The following AGBL3 variants were observed in gnomAD, a reference collection of about 807,000 sequenced individuals.
AGBL3 encodes cytosolic carboxypeptidase 3.
In AGBL3, 68 loss-of-function variants were observed where a neutral mutation model predicts 94.5. The observed-to-expected ratio is 0.72, with a 90% CI of 0.59 to 0.88. The LOEUF (loss-of-function observed/expected upper bound fraction) is 0.88, where lower values mean the gene tolerates loss of function less well. Ranked by LOEUF, AGBL3 falls within the 40% of genes least tolerant of loss-of-function variation. The pLI is 0.00. For synonymous variants in AGBL3, 354 were observed against 370.7 expected, an observed-to-expected ratio of 0.95 and a Z score of 0.52; for missense variants, 934 against 1,103.8, an observed-to-expected ratio of 0.85 and a Z score of 2.18.
chr7:135,053,835 T>C (rs1370639756), intron 11 of AGBL3, among the ~76,000 whole-genome samples: 4 of 152,170 alleles, frequency 2.6e-5, no homozygotes, highest in Admixed American at 2.6e-4. Flanking sequence ...ATTTAAAATA[T>C]AGTCTGCCAG....
chr7:135,062,608 A>T (rs1818939389), intron 12 of AGBL3, among the ~76,000 whole-genome samples: 1 of 152,076 alleles, frequency 6.6e-6, no homozygotes, highest in African/African-American at 2.4e-5. Flanking sequence ...CCTTCTGCAT[A>T]TATTGAGATG....
chr7:135,000,052 A>G (rs1811520090), intron 4 of AGBL3, among the ~76,000 whole-genome samples: 1 of 152,248 alleles, frequency 6.6e-6, no homozygotes, highest in Non-Finnish European at 1.5e-5. Flanking sequence ...GCACATGAAC[A>G]GAATGAGTAT....
intron 12 of AGBL3, among the ~76,000 whole-genome samples, chr7:135,063,405 T>A (rs569409118): frequency 4.2e-4 from 64 of 152,266 alleles, no homozygotes; most frequent in African/African-American, 1.5e-3. Context: ...GTTCTTCTTT[T>A]CCTAGTTCCT....
chr7:135,027,199 C>A (rs112474864), intron 5 of AGBL3, among the ~76,000 whole-genome samples: 4 of 151,432 alleles, frequency 2.6e-5, no homozygotes, highest in Admixed American at 6.6e-5. Flanking sequence ...GGGTGCGCAC[C>A]ACCATGTTCG....
At chr7:135,087,107 T>C (rs1463693060) in intron 15 of AGBL3, among the ~76,000 whole-genome samples, 1 of 151,986 alleles carries the variant, frequency 6.6e-6, no homozygotes, top group African/African-American at 2.4e-5. Flanking sequence ...TATTCATTTC[T>C]GCTAAGTTTT....
rs549366037 is a variant in AGBL3, at chr7:135,059,232, T to A, written c.1905T>A (p.Ser635=). The part of the protein sequence containing the change: ...DSLTYLLKLT[S]QKKHLKTKKE... ...TGACTTACCTTCTCAAGTTAACTTC[T>A]CAGGTATGACTGAACATTTTTGCTT... is the stretch of plus-strand genomic sequence containing the variant. Residue 635 remains serine, a synonymous_variant, in exon 12 of 17, where the codon TCT becomes TCA. Transcript: ENST00000436302. 1.1e-4 allele frequency: 168 copies of A among 1,550,570 alleles called. 1 individual carries two copies. In the South Asian group the frequency reaches 1.5e-3, roughly 14 times the overall value.
intron 15 of AGBL3, chr7:135,094,142 AG>A (rs1822287678): frequency 3.2e-6 from 1 of 310,178 alleles, no homozygotes; most frequent in South Asian, 2.7e-5. Flanking sequence ...AACTACTCTT[AG>A]AAGAAAATAT....
At chr7:134,991,099 G>A (rs1413451627) in intron 3 of AGBL3, among the ~76,000 whole-genome samples, 1 of 149,090 alleles carries the variant, frequency 6.7e-6, no homozygotes, top group African/African-American at 2.5e-5. Flanking sequence ...TGTATAGATG[G>A]TTCAAAGTCC....
chr7:135,090,017 CT>C (rs1821645958), intron 15 of AGBL3, among the ~76,000 whole-genome samples: 1 of 152,190 alleles, frequency 6.6e-6, no homozygotes, highest in Non-Finnish European at 1.5e-5. Context: ...TGTAATTCTA[CT>C]TCTAAGCTGG....
intron 4 of AGBL3, among the ~76,000 whole-genome samples, chr7:134,999,051 C>T (rs970672861): frequency 6.6e-6 from 1 of 152,156 alleles, no homozygotes; most frequent in Non-Finnish European, 1.5e-5. Flanking sequence ...GTTTCAATTA[C>T]CTTTTCCAAT....
intron 4 of AGBL3, among the ~76,000 whole-genome samples, chr7:134,997,112 C>T (rs1811105778): frequency 6.6e-6 from 1 of 152,164 alleles, no homozygotes; most frequent in African/African-American, 2.4e-5. Flanking sequence ...AACTGTTCCA[C>T]CTCAGAGCAT....
At chr7:135,131,315 G>C (rs1365652962) in intron 16 of AGBL3, among the ~76,000 whole-genome samples, 4 of 152,048 alleles carry the variant, frequency 2.6e-5, no homozygotes, top group Non-Finnish European at 5.9e-5. Flanking sequence ...GCCTGTTGCG[G>C]GGTGAGGGGT....
chr7:135,081,895 C>A (rs1820952672), intron 15 of AGBL3, 105 bp downstream of exon 15: 1 of 683,874 alleles, frequency 1.5e-6, no homozygotes, highest in Non-Finnish European at 2.2e-6. Flanking sequence ...TAGAAATTTA[C>A]TGTATGTCAA....
intron 15 of AGBL3, among the ~76,000 whole-genome samples, chr7:135,097,987 T>C (rs1159469802): frequency 6.6e-6 from 1 of 152,180 alleles, no homozygotes; most frequent in African/African-American, 2.4e-5. Flanking sequence ...GTTTAACTTA[T>C]AATGACATTC....
chr7:135,106,237 T>C (rs1281196130), intron 15 of AGBL3, among the ~76,000 whole-genome samples: 3 of 152,214 alleles, frequency 2.0e-5, no homozygotes, highest in Non-Finnish European at 2.9e-5. Context: ...CTTGGCTGAT[T>C]GCTCTGGCCA....
At chr7:135,068,008 T>C (rs1239109421) in intron 12 of AGBL3, among the ~76,000 whole-genome samples, 1 of 152,032 alleles carries the variant, frequency 6.6e-6, no homozygotes, top group Non-Finnish European at 1.5e-5. Context: ...GACGAATGGC[T>C]AACTAGAATA....
chr7:135,013,017 A>T (rs984715551), intron 4 of AGBL3, among the ~76,000 whole-genome samples: 1 of 152,222 alleles, frequency 6.6e-6, no homozygotes, highest in African/African-American at 2.4e-5. Context: ...TCTATAAAAA[A>T]TATTCCCAAC....
intron 16 of AGBL3, among the ~76,000 whole-genome samples, chr7:135,130,093 A>G (rs1407861586): frequency 6.6e-6 from 1 of 152,170 alleles, no homozygotes; most frequent in Non-Finnish European, 1.5e-5. Flanking sequence ...TTCCCTCAGT[A>G]CTACTCCTTA....
intron 11 of AGBL3, among the ~76,000 whole-genome samples, chr7:135,048,672 G>A (rs557259960): frequency 6.6e-6 from 1 of 151,316 alleles, no homozygotes; most frequent in East Asian, 1.9e-4. Context: ...TTCATTATTA[G>A]TATATAGAAA....
Sources: allele counts gnomAD v4.1 joint callset (sites outside exome capture counted in the v4.1 genomes callset), GRCh38; gene constraint gnomAD v4.1.1; transcripts MANE v1.5; gene names NCBI Gene and HGNC (gene_info 2026-07-23, HGNC 2026-07-21).